Variants in FUS observed in about 807,000 individuals in gnomAD.
FUS encodes the protein RNA-binding protein FUS.
In FUS, 5 loss-of-function variants were observed where a neutral mutation model predicts 82.7. The observed-to-expected ratio is 0.06, with a 90% CI of 0.03 to 0.13. The LOEUF (loss-of-function observed/expected upper bound fraction) is 0.13, where lower values mean the gene tolerates loss of function less well. Ranked by LOEUF, FUS falls within the 10% of genes least tolerant of loss-of-function variation. FUS has a pLI of 1.00. For synonymous variants in FUS, 281 were observed against 247.4 expected, an observed-to-expected ratio of 1.14 and a Z score of -1.27; for missense variants, 512 against 707.8, an observed-to-expected ratio of 0.72 and a Z score of 3.14.
downstream of FUS, chr16:31,192,351 C>T (rs1403203491): frequency 1.9e-6 from 1 of 526,402 alleles, no homozygotes; most frequent in South Asian, 1.5e-5. Context: ...TCCTCAGCCT[C>T]TTACCATGTG....
At position 31,185,198 on chromosome 16, in the gene FUS, A is replaced by G. The variant is rs978126631; in HGVS notation, c.764+19A>G. 2 of 1,597,986 alleles carry G rather than the reference A, an allele frequency of 1.3e-6. No individual in the cohort carries two copies. On this transcript the variant is annotated intron_variant, in intron 6 of 14. Coordinates refer to ENST00000254108, the MANE Select transcript of FUS (RefSeq NM_004960.4). ...GCATGGGGTAGGTGTCTCATGAGCC[A>G]GGGAGTATCTTTGGTGGGGAGTGTG... is the stretch of plus-strand genomic sequence containing the variant.
chr16:31,182,313 A>G (rs2079190939), intron 1 of FUS, 85 bp from the exon 2 acceptor site: 1 of 1,497,496 alleles, frequency 6.7e-7, no homozygotes, highest in African/African-American at 1.4e-5. Flanking sequence ...TTTATTCATC[A>G]GTGCTTGAGT....
chr16:31,191,931 A>C, downstream of FUS: 1 of 534,326 alleles, frequency 1.9e-6, no homozygotes, highest in Non-Finnish European at 3.6e-6. Context: ...GAACTCTTTG[A>C]TCTTTTGGCC....
intron 7 of FUS, chr16:31,187,143 T>C (rs2079282395): frequency 6.0e-6 from 3 of 498,278 alleles, no homozygotes; most frequent in Non-Finnish European, 1.1e-5. Context: ...CATGAGAAAC[T>C]GGAGAGTGCG....
Position 31,183,845 on chromosome 16 carries a change from C to T in FUS, c.191-13C>T. ...TGGTGGCTTTTGTGACTCCCTTTTT[C>T]TTATCCTGGTAGCAGGCTATGGAAC... On this transcript the variant is annotated splice_polypyrimidine_tract_variant and intron_variant, in intron 3 of 14. Coordinates refer to ENST00000254108, the MANE Select transcript of FUS (RefSeq NM_004960.4). The T allele has an allele frequency of 1.9e-6, 3 of 1,614,118 alleles. No individual in the cohort carries two copies. Among genetic ancestry groups the T allele is most frequent in the South Asian group, 1.1e-5 (1 of 91,078 alleles).
At chr16:31,194,098 C>T (rs1000810417), downstream of FUS, 3 of 534,074 alleles carry the variant, frequency 5.6e-6, no homozygotes, top group South Asian at 1.5e-5. Context: ...TTGATGTAGC[C>T]TTCAGTTAGC....
Position 31,190,157 on chromosome 16 carries a change from C to G in FUS, c.1168+16C>G, listed in dbSNP as rs780322769. 2.5e-6 allele frequency: 4 copies of G among 1,613,880 alleles called. No individual in the cohort carries two copies. Among genetic ancestry groups the G allele is most frequent in the Admixed American group, 1.7e-5 (1 of 60,000 alleles). Reference sequence around the variant, plus strand: ...GGGCGAGGAGGTGAGGAGCTACCTGCTAGTGGTGCAGAGGGGTAATGGGGA... The same window carrying G: ...GGGCGAGGAGGTGAGGAGCTACCTGGTAGTGGTGCAGAGGGGTAATGGGGA... On this transcript the variant is annotated intron_variant, in intron 11 of 14. Transcript: ENST00000254108.
downstream of FUS, chr16:31,194,250 A>C (rs1329589579): frequency 3.8e-6 from 2 of 530,144 alleles, no homozygotes; most frequent in East Asian, 7.9e-5. Context: ...TGACTCACTG[A>C]TCTACCTTTA....
intron 3 of FUS, chr16:31,183,566 A>G (rs910011135): frequency 6.8e-6 from 3 of 443,486 alleles, no homozygotes; most frequent in Non-Finnish European, 8.4e-6. Flanking sequence ...ACAGCTGCAT[A>G]TTACAGTGCT....
At chr16:31,193,005 A>G (rs1357359335), downstream of FUS, 4 of 485,338 alleles carry the variant, frequency 8.2e-6, no homozygotes, top group Admixed American at 2.3e-5. Flanking sequence ...CTTGTTGCCC[A>G]GGCTGGAGTG....
downstream of FUS, chr16:31,193,295 C>T (rs769979858): frequency 1.2e-5 from 6 of 515,438 alleles, no homozygotes; most frequent in East Asian, 2.5e-4. Flanking sequence ...AGTGGTCTGG[C>T]GTATTAAAAA....
rs1405011209 is a variant in FUS, at chr16:31,188,349, A to G, written c.824A>G (p.His275Arg). The G allele has an allele frequency of 2.5e-6, 4 of 1,612,946 alleles. No individual in the cohort carries two copies. The highest frequency in any genetic ancestry group is 3.4e-6 in the Non-Finnish European group (4 of 1,179,872). ...FGGPRDQGSR[H>R]DSEQDNSDNN... The stretch of plus-strand genomic sequence containing the variant: ...GGCCCTCGGGACCAAGGATCACGTC[A>G]TGACTCCGGTGAGTTCACACGTGGT... Residue 275 changes from histidine to arginine, a missense_variant, in exon 8 of 15, where the codon CAT becomes CGT. Coordinates refer to ENST00000254108, the MANE Select transcript of FUS (RefSeq NM_004960.4).
chr16:31,188,160 G>A (rs1043198645), intron 7 of FUS, 165 bp from the exon 8 acceptor site: 1 of 707,798 alleles, frequency 1.4e-6, no homozygotes, highest in Non-Finnish European at 2.4e-6. Flanking sequence ...CTGGGCAGGC[G>A]ACCCAGGAAA....
chr16:31,185,867 T>C (rs2079262061), intron 6 of FUS: 1 of 266,252 alleles, frequency 3.8e-6, no homozygotes, highest in Admixed American at 4.7e-5. Flanking sequence ...CCTGCTGAAG[T>C]TGATTTGAAG....
In FUS at chr16:31,189,240, G is replaced by A; in HGVS notation, c.936+14G>A. Reference sequence around the variant, plus strand: ...GGTATTATTAAGGTACTTGTGGAGAGGAGTGGGAGCTTTCTGTCAGTGTTG... The same window carrying A: ...GGTATTATTAAGGTACTTGTGGAGAAGAGTGGGAGCTTTCTGTCAGTGTTG... On this transcript the variant is annotated intron_variant, in intron 9 of 14. Coordinates refer to ENST00000254108, the MANE Select transcript of FUS (RefSeq NM_004960.4). 6.4e-7 allele frequency: 1 copy of A among 1,551,688 alleles called. No homozygotes were observed.
intron 4 of FUS, 97 bp downstream of exon 4, chr16:31,184,099 T>C (rs986999838): frequency 1.2e-6 from 2 of 1,612,362 alleles, no homozygotes; most frequent in South Asian, 1.1e-5. Flanking sequence ...AGAGGTGTAA[T>C]TGGGGTAGGG....
chr16:31,185,215 G>C (rs1345514889), intron 6 of FUS, 36 bp downstream of exon 6: 4 of 1,580,230 alleles, frequency 2.5e-6, no homozygotes, highest in Non-Finnish European at 3.4e-6. Flanking sequence ...ATCTTTGGTG[G>C]GGAGTGTGGA....
downstream of FUS, chr16:31,194,388 A>G (rs1403392527): frequency 5.8e-6 from 3 of 514,848 alleles, no homozygotes; most frequent in South Asian, 4.6e-5. Flanking sequence ...TCCCACCCGC[A>G]AGCTATCTGC....
At chr16:31,193,162 G>A (rs751300501), downstream of FUS, 15 of 486,904 alleles carry the variant, frequency 3.1e-5, no homozygotes, top group South Asian at 1.7e-4. Context: ...GGCTGGTCTC[G>A]AACTCCCGAC....
Sources: allele counts gnomAD v4.1 joint callset, GRCh38; gene constraint gnomAD v4.1.1; transcripts MANE v1.5; gene names NCBI Gene and HGNC (gene_info 2026-07-23, HGNC 2026-07-21).